Variants in FTO observed in about 807,000 individuals in gnomAD.
FTO encodes alpha-ketoglutarate-dependent dioxygenase FTO.
In FTO, 47 loss-of-function variants were observed where a neutral mutation model predicts 63.9. The observed-to-expected ratio is 0.74, with a 90% CI of 0.58 to 0.94. FTO has a LOEUF of 0.94. FTO is among the 40% of genes least tolerant of loss of function. FTO has a pLI of 0.00. For synonymous variants in FTO, 207 were observed against 224.4 expected, an observed-to-expected ratio of 0.92 and a Z score of 0.69; for missense variants, 562 against 618.1, an observed-to-expected ratio of 0.91 and a Z score of 0.96.
intron 2 of FTO, among the ~76,000 whole-genome samples, chr16:53,817,198 T>C (rs1001118422): frequency 2.8e-4 from 42 of 152,332 alleles, no homozygotes; most frequent in African/African-American, 9.4e-4. Flanking sequence ...AATGAATGAA[T>C]GAATGAATGA....
At position 54,075,412 on chromosome 16, in the gene FTO, A is replaced by G. The variant is rs377676605; in HGVS notation, c.1365-36350A>G. ...CAGGACGCTACCAGCATTTTATTAC[A>G]GTTGTCAAGAAAAAAGAAAACCAAC... is the stretch of plus-strand genomic sequence containing the variant. On this transcript the variant is annotated intron_variant, in intron 8 of 8. Transcript: ENST00000471389. Among the ~76,000 whole-genome samples the G allele has an allele frequency of 1.4e-4, 22 of 152,338 alleles. No individual in the cohort carries two copies. The East Asian group carries it at 2.3e-3, about 16-fold the overall frequency.
At chr16:54,019,810 G>C (rs2084545625) in intron 8 of FTO, among the ~76,000 whole-genome samples, 1 of 152,120 alleles carries the variant, frequency 6.6e-6, no homozygotes, top group Non-Finnish European at 1.5e-5. Context: ...GAATTACTCA[G>C]GCTCTGTGCA....
At chr16:53,845,448 G>A (rs2079593025) in intron 4 of FTO, among the ~76,000 whole-genome samples, 1 of 152,164 alleles carries the variant, frequency 6.6e-6, no homozygotes, top group Admixed American at 6.5e-5. Flanking sequence ...TAGCTCTTTA[G>A]GCCATTCTGC....
At chr16:53,923,632 A>G (rs957867951) in intron 7 of FTO, among the ~76,000 whole-genome samples, 14 of 151,714 alleles carry the variant, frequency 9.2e-5, no homozygotes, top group African/African-American at 2.7e-4. Context: ...TCTATAAACA[A>G]CACTTTTTTT....
intron 4 of FTO, among the ~76,000 whole-genome samples, chr16:53,869,982 G>T (rs575186403): frequency 4.1e-4 from 63 of 152,252 alleles, no homozygotes; most frequent in African/African-American, 1.4e-3. Context: ...TAATGTGGTG[G>T]TAAGGTATGT....
chr16:53,792,672 G>A (rs2077955977), intron 1 of FTO, among the ~76,000 whole-genome samples: 1 of 152,192 alleles, frequency 6.6e-6, no homozygotes, highest in South Asian at 2.1e-4. Flanking sequence ...AGAACACGTG[G>A]TGAAATCTCA....
At chr16:54,041,078 G>T (rs2085064451) in intron 8 of FTO, among the ~76,000 whole-genome samples, 1 of 152,084 alleles carries the variant, frequency 6.6e-6, no homozygotes, top group African/African-American at 2.4e-5. Context: ...AATGACTAAG[G>T]GTACTATTAC....
intron 2 of FTO, among the ~76,000 whole-genome samples, chr16:53,812,624 A>G (rs554989400): frequency 1.3e-5 from 2 of 152,288 alleles, no homozygotes; most frequent in South Asian, 4.2e-4. Context: ...GCTTCAATGC[A>G]TGCACCCAAT....
intron 7 of FTO, among the ~76,000 whole-genome samples, chr16:53,932,274 T>G (rs764617416): frequency 6.6e-6 from 1 of 152,198 alleles, no homozygotes; most frequent in South Asian, 2.1e-4. Context: ...CAGGGTCCTT[T>G]TCCTGGCTAG....
chr16:53,735,558 G>A (rs922108111), intron 1 of FTO, among the ~76,000 whole-genome samples: 1 of 152,154 alleles, frequency 6.6e-6, no homozygotes, highest in Non-Finnish European at 1.5e-5. Flanking sequence ...CCTTTTTTAG[G>A]TATTCTTGGA....
intron 7 of FTO, among the ~76,000 whole-genome samples, chr16:53,924,510 G>C (rs1166159607): frequency 6.6e-6 from 1 of 151,864 alleles, no homozygotes; most frequent in Non-Finnish European, 1.5e-5. Flanking sequence ...ATGAAAGCCT[G>C]CTTTGTTGGC....
chr16:53,754,971 C>T (rs2076885467), intron 1 of FTO, among the ~76,000 whole-genome samples: 1 of 152,182 alleles, frequency 6.6e-6, no homozygotes, highest in Admixed American at 6.5e-5. Context: ...GACAACTGTA[C>T]AAACACCATT....
At chr16:53,991,487 G>T (rs2083810008) in intron 8 of FTO, 1 of 152,168 alleles carries the variant, frequency 6.6e-6, no homozygotes, top group African/African-American at 2.4e-5. Flanking sequence ...CGAGGGTGAA[G>T]TGGACCCAGC....
intron 2 of FTO, among the ~76,000 whole-genome samples, chr16:53,816,376 T>C (rs1489967802): frequency 6.6e-6 from 1 of 152,136 alleles, no homozygotes; most frequent in African/African-American, 2.4e-5. Context: ...CATTACACTT[T>C]CTTGCTCAAA....
chr16:53,994,079 T>A (rs1358886249), intron 8 of FTO: 1 of 152,220 alleles, frequency 6.6e-6, no homozygotes, highest in Non-Finnish European at 1.5e-5. Context: ...CTCTCTAACC[T>A]CTAAAGGAAC....
At chr16:53,734,824 A>G (rs1183537514) in intron 1 of FTO, among the ~76,000 whole-genome samples, 1 of 152,216 alleles carries the variant, frequency 6.6e-6, no homozygotes, top group Non-Finnish European at 1.5e-5. Context: ...CAGGGTAGGA[A>G]GAAGAGGATG....
chr16:53,712,834 C>A (rs889521956), intron 1 of FTO, among the ~76,000 whole-genome samples: 1 of 152,078 alleles, frequency 6.6e-6, no homozygotes, highest in Non-Finnish European at 1.5e-5. Flanking sequence ...ATATGTGACC[C>A]TTCATAATTA....
rs200165789 is a variant in FTO at position 53,969,455 on chromosome 16, T to TG, written c.1364+35354dup. 9.4e-3 allele frequency among the ~76,000 whole-genome samples: 1,426 copies of TG among 151,874 alleles called. 19 individuals are homozygous for TG. Among genetic ancestry groups the TG allele is most frequent in the African/African-American group, 0.032 (1,337 of 41,408 alleles). ...ACTAGAAAATTACTTGCTTATTTTT[T>TG]GGGGGGGGCTTGTTTTCTATTAATT... On this transcript the variant is annotated intron_variant, in intron 8 of 8. Transcript: ENST00000471389.
At chr16:53,941,414 T>C (rs1024792023) in intron 8 of FTO, among the ~76,000 whole-genome samples, 5 of 152,264 alleles carry the variant, frequency 3.3e-5, no homozygotes, top group Non-Finnish European at 5.9e-5. Context: ...AGGGAACTTA[T>C]ATTTTGATAG....
Sources: allele counts gnomAD v4.1 joint callset (sites outside exome capture counted in the v4.1 genomes callset), GRCh38; gene constraint gnomAD v4.1.1; transcripts MANE v1.5; gene names NCBI Gene and HGNC (gene_info 2026-07-23, HGNC 2026-07-21).